The following PAMR1 variants were observed in gnomAD, a reference collection of about 807,000 sequenced individuals.
PAMR1 encodes the protein inactive serine protease PAMR1.
PAMR1 carries 88 observed loss-of-function variants against 81.8 expected under a neutral mutation model. The observed-to-expected ratio is 1.08, with a 90% confidence interval of 0.91 to 1.28. The LOEUF is 1.28. Among genes scored for constraint, PAMR1 ranks in the 50% most tolerant of loss-of-function variants. The pLI is 0.00. For synonymous variants in PAMR1, 336 were observed against 345.3 expected, an observed-to-expected ratio of 0.97 and a Z score of 0.30; for missense variants, 935 against 919.7, an observed-to-expected ratio of 1.02 and a Z score of -0.21.
At position 35,431,981 on chromosome 11, in the gene PAMR1, C is replaced by CT. The variant is rs912397557; in HGVS notation, c.*374dup. The CT allele has an allele frequency of 4.1e-6, 1 of 245,568 alleles. No individual in the cohort carries two copies. The highest frequency in any genetic ancestry group is 5.1e-5 in the Admixed American group (1 of 19,574). 15.2% of individuals were successfully genotyped at this position (245,568 alleles called of 1,614,324 possible). A position where few individuals can be genotyped will look rare whatever the true frequency, so the allele number is the denominator to read the frequency against. Reference sequence around the variant, plus strand: ...CTGTCCCACAGGCAGCTCTCTAGAACTTGAGAGCCTCAAAAGGGGCCTCAT... The same window carrying CT: ...CTGTCCCACAGGCAGCTCTCTAGAACTTTGAGAGCCTCAAAAGGGGCCTCAT... On this transcript the variant is annotated 3_prime_UTR_variant, in exon 11 of 11. Transcript: ENST00000619888.
intron 7 of PAMR1, among the ~76,000 whole-genome samples, chr11:35,441,018 T>A (rs189664670): frequency 1.8e-3 from 274 of 152,328 alleles, no homozygotes; most frequent in Non-Finnish European, 3.2e-3. Flanking sequence ...GTTTACTCTC[T>A]GTCTTTGTTT....
intron 9 of PAMR1, 38 bp from the exon 10 acceptor site, chr11:35,434,842 A>T (rs1856002184): frequency 2.5e-6 from 4 of 1,589,786 alleles, no homozygotes; most frequent in Non-Finnish European, 3.4e-6. Flanking sequence ...ATAAACTCAG[A>T]CTTTGCCATC....
intron 4 of PAMR1, 147 bp from the exon 5 acceptor site, chr11:35,470,965 T>A (rs1034318880): frequency 3.1e-6 from 2 of 635,150 alleles, no homozygotes; most frequent in Non-Finnish European, 5.6e-6. Context: ...TCCTCAGAGG[T>A]TGGCGAATTT....
upstream of PAMR1, among the ~76,000 whole-genome samples, chr11:35,529,626 A>G (rs1448927631): frequency 6.6e-6 from 1 of 152,208 alleles, no homozygotes; most frequent in African/African-American, 2.4e-5. Flanking sequence ...GGGCTAGAGT[A>G]AAGAGCTCAA....
intron 6 of PAMR1, among the ~76,000 whole-genome samples, chr11:35,448,099 A>G (rs539290676): frequency 7.6e-4 from 115 of 152,172 alleles, no homozygotes; most frequent in Admixed American, 2.9e-3. Context: ...TCAACCTTGG[A>G]AAATCTGAGG....
upstream of PAMR1, among the ~76,000 whole-genome samples, chr11:35,526,304 C>T (rs1260065770): frequency 6.6e-6 from 1 of 152,170 alleles, no homozygotes; most frequent in Non-Finnish European, 1.5e-5. Flanking sequence ...AAAAGTTTTC[C>T]TCTTCCTGTG....
rs1448012140 is a variant in PAMR1 at position 35,432,784 on chromosome 11, TG to T, written c.1734del (p.Ile579SerfsTer29). 1 of 1,611,816 alleles carries T rather than the reference TG, an allele frequency of 6.2e-7. No individual in the cohort carries two copies. The highest frequency in any genetic ancestry group is 8.5e-7 in the Non-Finnish European group (1 of 1,180,018). Reference protein sequence around the residue: ...DKARISTRVQPICLAASRDLS... With the variant: ...DKARISTRVQXICLAASRDLS... ...AGATCCCGACTGGCAGCGAGGCAGATGGGCTGGACTCGGGTGCTGATACGGG... is the reference window on the plus strand; with the variant it reads ...AGATCCCGACTGGCAGCGAGGCAGATGGCTGGACTCGGGTGCTGATACGGG... On this transcript the variant is annotated frameshift_variant, in exon 11 of 11. Coordinates refer to ENST00000619888, the MANE Select transcript of PAMR1 (RefSeq NM_001001991.3). LOFTEE classifies it high-confidence loss of function.
At chr11:35,528,761 G>C (rs866331829), upstream of PAMR1, among the ~76,000 whole-genome samples, 35 of 152,238 alleles carry the variant, frequency 2.3e-4, no homozygotes, top group African/African-American at 7.0e-4. Flanking sequence ...TAGGTTCAGG[G>C]GTCTGGAAAC....
rs1855911656 is a variant in PAMR1, at chr11:35,431,892, AC to A, written c.*463del. The A allele has an allele frequency of 6.2e-6, 1 of 161,292 alleles. No homozygotes were observed. The highest frequency in any genetic ancestry group is 2.4e-5 in the African/African-American group (1 of 41,600). The allele number at this position is 161,292 out of a possible 1,614,324, so 10.0% of individuals were successfully genotyped here. A position where few individuals can be genotyped will look rare whatever the true frequency, so the allele number is the denominator to read the frequency against. ...GTACAAGAGATGGGGAAGGAAAAGG[AC>A]CAGACTGTACTGTGGCCATGTACAC... On this transcript the variant is annotated 3_prime_UTR_variant, in exon 11 of 11. Coordinates refer to ENST00000619888, the MANE Select transcript of PAMR1 (RefSeq NM_001001991.3).
At chr11:35,512,024 C>G (rs1254291690) in intron 1 of PAMR1, among the ~76,000 whole-genome samples, 2 of 152,198 alleles carry the variant, frequency 1.3e-5, no homozygotes, top group Non-Finnish European at 2.9e-5. Context: ...CTTCTCCTTC[C>G]TTCTCACAGC....
chr11:35,453,141 C>T (rs551177345), intron 6 of PAMR1, among the ~76,000 whole-genome samples: 1 of 152,222 alleles, frequency 6.6e-6, no homozygotes, highest in Non-Finnish European at 1.5e-5. Context: ...CCTGGTTGGG[C>T]TTGTTCTGAG....
At chr11:35,437,455 C>T (rs1488752056) in intron 8 of PAMR1, among the ~76,000 whole-genome samples, 2 of 152,226 alleles carry the variant, frequency 1.3e-5, no homozygotes, top group Non-Finnish European at 2.9e-5. Context: ...TTCCAATCCT[C>T]TTGGTTTCAT....
At chr11:35,497,206 A>C (rs944915819) in intron 1 of PAMR1, among the ~76,000 whole-genome samples, 1 of 152,158 alleles carries the variant, frequency 6.6e-6, no homozygotes, top group Non-Finnish European at 1.5e-5. Flanking sequence ...AAAAAATAAA[A>C]AATGAGGTAC....
In PAMR1 at chr11:35,468,074, C is replaced by T. The variant is rs1253386324; in HGVS notation, c.747G>A (p.Thr249=). 8.4e-6 allele frequency: 13 copies of T among 1,556,764 alleles called. No individual in the cohort carries two copies. The highest frequency in any genetic ancestry group is 1.2e-5 in the South Asian group (1 of 84,434). The change falls in exon 6 of 11, where the codon ACG becomes ACA. Residue 249 remains threonine, a synonymous_variant. Transcript: ENST00000619888. ...CSSSPCFHDG[T]CVLDKAGSYK... ...AAGATCCAGCCTTGTCAAGGACGCA[C>T]GTGCCGTCATGGAAACAAGGGGATG...
At chr11:35,456,847 T>C (rs996419044) in intron 6 of PAMR1, among the ~76,000 whole-genome samples, 2 of 152,180 alleles carry the variant, frequency 1.3e-5, no homozygotes, top group Admixed American at 6.5e-5. Flanking sequence ...TGGACTAAAC[T>C]TGCTCTTACA....
rs765031305 is a variant in PAMR1, at chr11:35,494,012, G to T, written c.250+84C>A. The T allele has an allele frequency of 8.4e-6, 9 of 1,069,506 alleles. No homozygotes were observed. The East Asian group carries it at 2.1e-4, about 26-fold the overall frequency. The allele number at this position is 1,069,506 out of a possible 1,614,324, so 66.3% of individuals were successfully genotyped here. A position where few individuals can be genotyped will look rare whatever the true frequency, so the allele number is the denominator to read the frequency against. ...CACCACAGCCTCCTGATGGCTGCCT[G>T]CTAGAATTCAGGCGTTCAGCCTGTT... On this transcript the variant is annotated intron_variant, in intron 2 of 10. Transcript: ENST00000619888.
intron 6 of PAMR1, among the ~76,000 whole-genome samples, chr11:35,451,576 C>A (rs1856418924): frequency 6.6e-6 from 1 of 152,048 alleles, no homozygotes; most frequent in Admixed American, 6.6e-5. Context: ...CTATGAGAAC[C>A]ATTATTTGGT....
intron 3 of PAMR1, among the ~76,000 whole-genome samples, chr11:35,490,853 A>G (rs144776570): frequency 6.6e-6 from 1 of 152,344 alleles, no homozygotes; most frequent in East Asian, 1.9e-4. Flanking sequence ...CACTGATATT[A>G]GCAAGGTTAG....
intron 6 of PAMR1, chr11:35,451,989 C>T (rs1856429338): frequency 1.6e-6 from 1 of 631,394 alleles, no homozygotes; most frequent in Non-Finnish European, 2.8e-6. Flanking sequence ...ATGGTATTCT[C>T]TTGTAGCAGC....
Sources: gnomAD v4.1 joint callset for allele counts (sites outside exome capture counted in the v4.1 genomes callset) on GRCh38, gnomAD v4.1.1 for gene constraint, MANE v1.5 for transcripts, NCBI Gene and HGNC (gene_info 2026-07-23, HGNC 2026-07-21) for gene names.